Variants in B3GALT1 observed in about 807,000 individuals in gnomAD.
B3GALT1 encodes the protein beta-1,3-galactosyltransferase 1, also known as UDP-Gal:betaGlcNAc beta 1,3-galactosyltransferase, polypeptide 1.
In B3GALT1, 10 loss-of-function variants were observed where a neutral mutation model predicts 23.2. The observed-to-expected ratio is 0.43, with a 90% confidence interval of 0.27 to 0.73. The LOEUF (loss-of-function observed/expected upper bound fraction) is 0.73, where lower values mean the gene tolerates loss of function less well. B3GALT1 is among the 30% of genes least tolerant of loss of function. The pLI is 0.21. For synonymous variants in B3GALT1, 156 were observed against 141.5 expected, an observed-to-expected ratio of 1.10 and a Z score of -0.73; for missense variants, 299 against 405.4, an observed-to-expected ratio of 0.74 and a Z score of 2.25.
chr2:167,826,486 C>T lies in B3GALT1; in HGVS notation c.-230+7693C>T, dbSNP rs73021258. 4.8e-3 allele frequency among the ~76,000 whole-genome samples: 737 copies of T among 152,294 alleles called. 3 individuals carry two copies. Among genetic ancestry groups the T allele is most frequent in the African/African-American group, 0.017 (709 of 41,562 alleles). On this transcript the variant is annotated intron_variant, in intron 4 of 4. Coordinates refer to ENST00000392690, the MANE Select transcript of B3GALT1 (RefSeq NM_020981.4). ...GCATAGCAGCCTGGTGCTCCCTATG[C>T]CCCTGAGGAGGTCTCTGAGGCTTAA...
At chr2:167,668,690 G>A (rs1005371927) in intron 3 of B3GALT1, among the ~76,000 whole-genome samples, 5 of 152,296 alleles carry the variant, frequency 3.3e-5, no homozygotes, top group Admixed American at 1.3e-4. Flanking sequence ...AGCAGTCTTC[G>A]GGTGGGAGTG....
rs76814631 is a variant in B3GALT1, at chr2:167,347,763, A to G, written c.-511+54429A>G. Among the ~76,000 whole-genome samples, 251 of 152,268 alleles carry G rather than the reference A, an allele frequency of 1.6e-3. 11 individuals carry two copies. In the East Asian group the frequency reaches 0.046, roughly 28 times the overall value. ...AACCATGCGTTTGTTGCTTTTCCTT[A>G]TGGAAATTTAAAAAATTATCATTTC... On this transcript the variant is annotated intron_variant, in intron 1 of 4. Coordinates refer to ENST00000392690, the MANE Select transcript of B3GALT1 (RefSeq NM_020981.4).
At chr2:167,551,624 G>T (rs1158912358) in intron 2 of B3GALT1, among the ~76,000 whole-genome samples, 2 of 152,168 alleles carry the variant, frequency 1.3e-5, no homozygotes, top group Non-Finnish European at 2.9e-5. Context: ...TGCCCTCGGG[G>T]GTTGTCTGTA....
intron 3 of B3GALT1, among the ~76,000 whole-genome samples, chr2:167,757,311 C>T (rs987292890): frequency 4.6e-5 from 7 of 152,140 alleles, no homozygotes; most frequent in Non-Finnish European, 1.0e-4. Flanking sequence ...GCCAACTCTG[C>T]CACCCCCATG....
intron 2 of B3GALT1, among the ~76,000 whole-genome samples, chr2:167,636,752 G>T (rs184052523): frequency 3.3e-5 from 5 of 151,958 alleles, no homozygotes; most frequent in African/African-American, 9.7e-5. Flanking sequence ...GCCAAACACC[G>T]CATGTTCTCA....
intron 1 of B3GALT1, among the ~76,000 whole-genome samples, chr2:167,416,249 G>C (rs1317904416): frequency 6.6e-6 from 1 of 152,136 alleles, no homozygotes; most frequent in Admixed American, 6.5e-5. Context: ...TGCTGCCCAG[G>C]GTTACCTCAG....
intron 2 of B3GALT1, among the ~76,000 whole-genome samples, chr2:167,591,829 T>C (rs1193933369): frequency 6.6e-6 from 1 of 151,720 alleles, no homozygotes; most frequent in East Asian, 1.9e-4. Context: ...TGAGAGTAAA[T>C]AGAGAGGGAC....
intron 4 of B3GALT1, among the ~76,000 whole-genome samples, chr2:167,819,506 C>A (rs754867593): frequency 6.6e-6 from 1 of 152,162 alleles, no homozygotes; most frequent in South Asian, 2.1e-4. Context: ...GCAGCCTATC[C>A]GGACTGTGAT....
chr2:167,594,819 T>C (rs1403818969), intron 2 of B3GALT1, among the ~76,000 whole-genome samples: 1 of 151,978 alleles, frequency 6.6e-6, no homozygotes, highest in Non-Finnish European at 1.5e-5. Flanking sequence ...GGCAGGAGCA[T>C]TGCTTGCACA....
At chr2:167,795,944 G>A (rs1428326553) in intron 3 of B3GALT1, among the ~76,000 whole-genome samples, 5 of 152,132 alleles carry the variant, frequency 3.3e-5, no homozygotes, top group African/African-American at 1.2e-4. Flanking sequence ...TAATCATCTG[G>A]TTTCTCCTGG....
intron 3 of B3GALT1, among the ~76,000 whole-genome samples, chr2:167,752,996 T>C (rs1479342689): frequency 1.3e-5 from 2 of 152,162 alleles, no homozygotes; most frequent in African/African-American, 4.8e-5. Flanking sequence ...GGAGACATGA[T>C]AGAACATCTG....
At chr2:167,311,845 G>A (rs1448429329) in intron 1 of B3GALT1, among the ~76,000 whole-genome samples, 1 of 151,918 alleles carries the variant, frequency 6.6e-6, no homozygotes, top group Admixed American at 6.6e-5. Flanking sequence ...TGTAAGAGAA[G>A]AAATAGTGGG....
chr2:167,674,967 C>T lies in B3GALT1; in HGVS notation c.-352+28001C>T, dbSNP rs1236032710. 2.6e-5 allele frequency among the ~76,000 whole-genome samples: 4 copies of T among 152,270 alleles called. No individual in the cohort carries two copies. The East Asian group carries it at 7.7e-4, about 29-fold the overall frequency. On this transcript the variant is annotated intron_variant, in intron 3 of 4. Coordinates refer to ENST00000392690, the MANE Select transcript of B3GALT1 (RefSeq NM_020981.4). ...ATTTTTGACTGGGTTTCAAGACAAG[C>T]AGCCAGCATGGGACCTGACCCTGGA...
intron 2 of B3GALT1, among the ~76,000 whole-genome samples, chr2:167,504,361 A>C (rs182137310): frequency 1.0e-3 from 158 of 152,336 alleles, no homozygotes; most frequent in African/African-American, 3.5e-3. Flanking sequence ...TACATAGTGT[A>C]TGCAATTATA....
intron 3 of B3GALT1, among the ~76,000 whole-genome samples, chr2:167,807,450 T>G (rs996900898): frequency 1.3e-5 from 2 of 152,158 alleles, no homozygotes; most frequent in African/African-American, 4.8e-5. Context: ...TTGTGGGCAT[T>G]TAGTGCTATA....
intron 3 of B3GALT1, among the ~76,000 whole-genome samples, chr2:167,768,616 G>A (rs922446666): frequency 1.8e-4 from 28 of 152,290 alleles, no homozygotes; most frequent in African/African-American, 6.0e-4. Context: ...AAATTAAAAT[G>A]TCAGATACTC....
At chr2:167,412,520 A>G (rs1391454175) in intron 1 of B3GALT1, among the ~76,000 whole-genome samples, 2 of 152,206 alleles carry the variant, frequency 1.3e-5, no homozygotes, top group Non-Finnish European at 2.9e-5. Context: ...ACTTCATTAT[A>G]TAAAGAAGAC....
At chr2:167,358,416 TGATA>T (rs1697450333) in intron 1 of B3GALT1, among the ~76,000 whole-genome samples, 1 of 152,216 alleles carries the variant, frequency 6.6e-6, no homozygotes, top group Non-Finnish European at 1.5e-5. Context: ...ACATTCTACT[TGATA>T]GATCTTGTTT....
In B3GALT1 at chr2:167,820,311, T is replaced by A. The variant is rs79848322; in HGVS notation, c.-230+1518T>A. 4.1e-4 allele frequency among the ~76,000 whole-genome samples: 63 copies of A among 152,326 alleles called. 1 individual carries two copies. The highest frequency in any genetic ancestry group is 3.4e-3 in the Middle Eastern group (1 of 294). ...GGTAGTGAAGAGGTGGAACCTGCTT[T>A]AGAAAGGGTGGTTAGGGGAGGTGTG... On this transcript the variant is annotated intron_variant, in intron 4 of 4. Transcript: ENST00000392690.
Sources: gnomAD v4.1 joint callset for allele counts (sites outside exome capture counted in the v4.1 genomes callset) on GRCh38, gnomAD v4.1.1 for gene constraint, MANE v1.5 for transcripts, NCBI Gene and HGNC (gene_info 2026-07-23, HGNC 2026-07-21) for gene names.